Variants in ANO4 observed in about 807,000 individuals in gnomAD.
ANO4 encodes the protein anoctamin 4.
A neutral mutation model predicts 141.9 loss-of-function variants in ANO4; 69 were observed. The observed-to-expected ratio is 0.49, with a 90% CI of 0.40 to 0.59. ANO4 has a LOEUF of 0.59. Ranked by LOEUF, ANO4 falls within the 20% of genes least tolerant of loss-of-function variation. The pLI is 0.00. For missense variants in ANO4, 894 were observed against 1,162.2 expected, an observed-to-expected ratio of 0.77 and a Z score of 3.36; for synonymous variants, 350 against 394.3, an observed-to-expected ratio of 0.89 and a Z score of 1.33.
intron 26 of ANO4, among the ~76,000 whole-genome samples, chr12:101,122,102 C>T (rs2051121691): frequency 6.6e-6 from 1 of 152,132 alleles, no homozygotes. Context: ...GATGGTGTCT[C>T]ATTGTGGTTT....
At chr12:100,820,594 A>C (rs1210411539) in intron 1 of ANO4, among the ~76,000 whole-genome samples, 1 of 152,058 alleles carries the variant, frequency 6.6e-6, no homozygotes, top group Admixed American at 6.6e-5. Context: ...TAGAGCTGTC[A>C]GTAGTACTTG....
chr12:100,882,338 G>C (rs1201459860), intron 1 of ANO4, among the ~76,000 whole-genome samples: 1 of 152,162 alleles, frequency 6.6e-6, no homozygotes, highest in East Asian at 1.9e-4. Context: ...TAATAACACT[G>C]TTAATACATA....
intron 1 of ANO4, among the ~76,000 whole-genome samples, chr12:100,817,600 G>C (rs1463246392): frequency 6.6e-6 from 1 of 151,876 alleles, no homozygotes; most frequent in Admixed American, 6.6e-5. Context: ...GTGACAGAAA[G>C]AAACTATTGT....
intron 1 of ANO4, among the ~76,000 whole-genome samples, chr12:100,871,465 C>G: frequency 6.6e-6 from 1 of 152,136 alleles, no homozygotes; most frequent in East Asian, 1.9e-4. Flanking sequence ...AGAGCTGTGC[C>G]CCAATGCACT....
At chr12:100,807,465 T>A (rs923952172) in intron 1 of ANO4, among the ~76,000 whole-genome samples, 9 of 152,212 alleles carry the variant, frequency 5.9e-5, no homozygotes, top group Non-Finnish European at 1.2e-4. Context: ...TCTTCCTACA[T>A]GTTTATTTTT....
chr12:101,073,283 G>A (rs140986151), intron 14 of ANO4, among the ~76,000 whole-genome samples: 47 of 152,176 alleles, frequency 3.1e-4, no homozygotes, highest in African/African-American at 1.1e-3. Flanking sequence ...GGACATGGAT[G>A]AAGCTGGAAA....
At chr12:100,815,753 A>G (rs918212338) in intron 1 of ANO4, among the ~76,000 whole-genome samples, 5 of 150,440 alleles carry the variant, frequency 3.3e-5, no homozygotes, top group East Asian at 3.9e-4. Context: ...TTACATATAT[A>G]TGTGTGTGTG....
At chr12:100,785,238 G>A (rs2033835862) in intron 3 of ANO4, among the ~76,000 whole-genome samples, 2 of 152,040 alleles carry the variant, frequency 1.3e-5, no homozygotes, top group African/African-American at 2.4e-5. Context: ...AACTTACATG[G>A]ACACATTATT....
chr12:100,719,193 A>G (rs1220482460), intron 1 of ANO4, among the ~76,000 whole-genome samples: 1 of 152,210 alleles, frequency 6.6e-6, no homozygotes, highest in Non-Finnish European at 1.5e-5. Context: ...TTTCAATAAA[A>G]ATATCAATTA....
intron 1 of ANO4, among the ~76,000 whole-genome samples, chr12:100,799,862 T>C (rs917597929): frequency 6.6e-5 from 10 of 152,160 alleles, no homozygotes; most frequent in Admixed American, 5.9e-4. Context: ...CGGATGACTT[T>C]AGTGTAAGGT....
chr12:100,890,738 C>T (rs986459411), intron 1 of ANO4, among the ~76,000 whole-genome samples: 1 of 152,150 alleles, frequency 6.6e-6, no homozygotes, highest in Non-Finnish European at 1.5e-5. Flanking sequence ...TCTATTATGA[C>T]CTTCCCACAC....
chr12:100,794,334 G>A (rs560262235), upstream of ANO4, among the ~76,000 whole-genome samples: 1 of 152,310 alleles, frequency 6.6e-6, no homozygotes, highest in Non-Finnish European at 1.5e-5. Flanking sequence ...TTCAAGTCTG[G>A]CTTCTTGCAG....
chr12:100,830,756 A>C (rs141585099), intron 1 of ANO4, among the ~76,000 whole-genome samples: 10 of 152,166 alleles, frequency 6.6e-5, no homozygotes, highest in Admixed American at 2.0e-4. Context: ...CGTTTCTTAC[A>C]TTTTATTTCA....
intron 22 of ANO4, among the ~76,000 whole-genome samples, chr12:101,102,927 T>C (rs1231909213): frequency 6.6e-6 from 1 of 151,776 alleles, no homozygotes; most frequent in East Asian, 1.9e-4. Flanking sequence ...TTTTGTAAAA[T>C]TTAGATTAGA....
At chr12:100,908,775 C>T (rs2040962432) in intron 2 of ANO4, among the ~76,000 whole-genome samples, 1 of 152,058 alleles carries the variant, frequency 6.6e-6, no homozygotes, top group Non-Finnish European at 1.5e-5. Flanking sequence ...GTTAATAATC[C>T]CTGTTCCCGA....
intron 1 of ANO4, among the ~76,000 whole-genome samples, chr12:100,891,452 G>T (rs2040099925): frequency 6.6e-6 from 1 of 152,150 alleles, no homozygotes. Context: ...GTGAATGAAG[G>T]TTCCTGTCGC....
chr12:100,830,247 G>A (rs2036567250), intron 1 of ANO4, among the ~76,000 whole-genome samples: 1 of 151,924 alleles, frequency 6.6e-6, no homozygotes, highest in Non-Finnish European at 1.5e-5. Context: ...GCTGTTAAAG[G>A]GAGAATATTT....
At chr12:100,818,189 TAATA>T (rs1277188400) in intron 1 of ANO4, among the ~76,000 whole-genome samples, 1 of 151,938 alleles carries the variant, frequency 6.6e-6, no homozygotes, top group Non-Finnish European at 1.5e-5. Context: ...ATAGTTATAA[TAATA>T]AGTATGAATG....
chr12:101,080,883 T>TATATATATATA (rs1491584060), intron 15 of ANO4, among the ~76,000 whole-genome samples: 1 of 74,072 alleles, frequency 1.4e-5, no homozygotes, highest in Non-Finnish European at 3.0e-5. Context: ...TATATATATA[T>TATATATATATA]TATATATATA....
Sources: allele counts gnomAD v4.1 joint callset (sites outside exome capture counted in the v4.1 genomes callset), GRCh38; gene constraint gnomAD v4.1.1; transcripts MANE v1.5; gene names NCBI Gene and HGNC (gene_info 2026-07-23, HGNC 2026-07-21).